The following EPHA2 variants were observed in gnomAD, a reference collection of about 807,000 sequenced individuals.
The protein encoded by EPHA2 is EPH receptor A2, also known as ephrin type-A receptor 2.
A neutral mutation model predicts 104.9 loss-of-function variants in EPHA2; 54 were observed. The ratio of observed to expected loss-of-function variants is 0.51; its 90% CI spans 0.41 to 0.65. The LOEUF (loss-of-function observed/expected upper bound fraction) is 0.65. Among genes scored for constraint, EPHA2 ranks in the 30% least tolerant of loss-of-function variants. The pLI is 0.00. For missense variants in EPHA2, 1,117 were observed against 1,369.5 expected, an observed-to-expected ratio of 0.82 and a Z score of 2.91; for synonymous variants, 560 against 559.1, an observed-to-expected ratio of 1.00 and a Z score of -0.02.
chr1:16,141,730 A>G (rs58124569), intron 3 of EPHA2, among the ~76,000 whole-genome samples: 183 of 152,370 alleles, frequency 1.2e-3, no homozygotes, highest in African/African-American at 3.9e-3. Flanking sequence ...AAGTGGGGGA[A>G]GAGATGGGCT....
At chr1:16,127,253 T>G (rs2024487687) in intron 16 of EPHA2, among the ~76,000 whole-genome samples, 1 of 152,032 alleles carries the variant, frequency 6.6e-6, no homozygotes, top group African/African-American at 2.4e-5. Context: ...GACCCTAAGA[T>G]CTACAGCCTG....
Position 16,135,902 on chromosome 1 carries a change from G to GCTCT in EPHA2, c.1313-136_1313-133dup. The GCTCT allele has an allele frequency of 1.6e-6, 1 of 616,000 alleles. No homozygotes were observed. Among genetic ancestry groups the GCTCT allele is most frequent in the South Asian group, 1.8e-5 (1 of 55,186 alleles). The allele number at this position is 616,000 out of a possible 1,614,324, so 38.2% of individuals were successfully genotyped here. A position where few individuals can be genotyped will look rare whatever the true frequency, so the allele number is the denominator to read the frequency against. On this transcript the variant is annotated intron_variant, in intron 5 of 16. Transcript: ENST00000358432. This position sits in a 1 kb window ranked among gnomAD's most constrained non-coding sequence, Gnocchi z 4.3. The stretch of plus-strand genomic sequence containing the variant: ...TTTCATTTTTTTGAGACAGGATCTC[G>GCTCT]CTCTCTCACCCAGGCTCGAGTGCAG...
Position 16,131,510 on chromosome 1 carries a change from G to C in EPHA2, c.2475+211C>G. On this transcript the variant is annotated intron_variant, in intron 14 of 16. Coordinates refer to ENST00000358432, the MANE Select transcript of EPHA2 (RefSeq NM_004431.5). The surrounding 1 kb of genome is among the most constrained non-coding windows in gnomAD (Gnocchi z 5.2). ...CAGGAGAATTGCTTGAACCTGGGAG[G>C]TGGAGGTTGCAGTGAACTGAGATCA... is the stretch of plus-strand genomic sequence containing the variant. Among the ~76,000 whole-genome samples, 1 of 152,108 alleles carries C rather than the reference G, an allele frequency of 6.6e-6. No individual in the cohort carries two copies. Among genetic ancestry groups the C allele is most frequent in the East Asian group, 1.9e-4 (1 of 5,178 alleles).
intron 3 of EPHA2, among the ~76,000 whole-genome samples, chr1:16,144,665 A>G (rs1167603543): frequency 6.6e-6 from 1 of 152,214 alleles, no homozygotes; most frequent in African/African-American, 2.4e-5. Context: ...CCAGGTTGAC[A>G]GCGTCCTTCA....
chr1:16,149,844 T>G (rs2025004205), intron 2 of EPHA2, among the ~76,000 whole-genome samples: 1 of 152,222 alleles, frequency 6.6e-6, no homozygotes. Context: ...CTGTGTCCTG[T>G]GTCCCGAGAG....
At chr1:16,146,220 C>T (rs2024930100) in intron 3 of EPHA2, among the ~76,000 whole-genome samples, 1 of 152,188 alleles carries the variant, frequency 6.6e-6, no homozygotes, top group African/African-American at 2.4e-5. Flanking sequence ...TGACAGGGTT[C>T]CACGAACTAA....
At position 16,138,013 on chromosome 1, in the gene EPHA2, G is replaced by A; in HGVS notation, c.1152C>T (p.Arg384=). ...TCAGTCCGTGAGGAGGCTCCGAGTA[G>A]CGCACACTGGCCTCACACGGCCCGC... ...GECGPCEASV[R]YSEPPHGLTR... Residue 384 remains arginine (R), a synonymous_variant, in exon 5 of 17, where the codon CGC becomes CGT. Coordinates refer to ENST00000358432, the MANE Select transcript of EPHA2 (RefSeq NM_004431.5). 6.2e-7 allele frequency: 1 copy of A among 1,613,856 alleles called. No individual in the cohort carries two copies. The highest frequency in any genetic ancestry group is 8.5e-7 in the Non-Finnish European group (1 of 1,180,000).
intron 2 of EPHA2, among the ~76,000 whole-genome samples, chr1:16,149,360 T>G (rs183127568): frequency 6.6e-6 from 1 of 152,124 alleles, no homozygotes; most frequent in Non-Finnish European, 1.5e-5. Flanking sequence ...ATCTGTACAA[T>G]GGGAGCAAGA....
intron 1 of EPHA2, among the ~76,000 whole-genome samples, chr1:16,154,923 G>T (rs1392996437): frequency 6.6e-6 from 1 of 152,124 alleles, no homozygotes; most frequent in Non-Finnish European, 1.5e-5. Context: ...TGGACAGGAA[G>T]GTCTTCGGCC....
intron 3 of EPHA2, among the ~76,000 whole-genome samples, chr1:16,140,978 C>T (rs992472844): frequency 5.3e-5 from 8 of 152,182 alleles, no homozygotes; most frequent in Non-Finnish European, 1.2e-4. Flanking sequence ...AGTGATCCTC[C>T]CACCTCGACT....
chr1:16,136,307 A>AAT (rs2024682281), intron 5 of EPHA2, among the ~76,000 whole-genome samples: 2 of 139,894 alleles, frequency 1.4e-5, no homozygotes, highest in African/African-American at 5.8e-5. Flanking sequence ...GTGCATAAAT[A>AAT]ATAATAATAA....
rs139225059 is a variant in EPHA2 at position 16,130,316 on chromosome 1, C to T, written c.2579G>A (p.Arg860His). Residue 860 changes from arginine to histidine, a missense_variant, in exon 15 of 17, where the codon CGC (arginine) becomes CAC (histidine). By Grantham distance (29) the Arg-to-His change is conservative. Coordinates refer to ENST00000358432, the MANE Select transcript of EPHA2 (RefSeq NM_004431.5). This position sits in a 1 kb window ranked among gnomAD's most constrained non-coding sequence, Gnocchi z 4.5. Reference protein sequence around the residue: ...MMQCWQQERARRPKFADIVSI... With the variant: ...MMQCWQQERAHRPKFADIVSI... ...GACGATGTCAGCGAACTTGGGGCGG[C>T]GGGCACGCTCCTGCTGCCAGCACTG... 1.2e-4 allele frequency: 187 copies of T among 1,607,770 alleles called. No homozygotes were observed. The African/African-American group carries it at 1.5e-3, about 13-fold the overall frequency.
At position 16,135,512 on chromosome 1, in the gene EPHA2, C is replaced by T. The variant is rs1260102946; in HGVS notation, c.1428+143G>A. 1.2e-6 allele frequency: 1 copy of T among 830,914 alleles called. No individual in the cohort carries two copies. The highest frequency in any genetic ancestry group is 2.0e-6 in the Non-Finnish European group (1 of 492,172). The allele number at this position is 830,914 out of a possible 1,614,324, so 51.5% of individuals were successfully genotyped here. A position where few individuals can be genotyped will look rare whatever the true frequency, so the allele number is the denominator to read the frequency against. ...TGTGCTGCCTTGGGAGATGTAACCC[C>T]CTGGCAGACCCCAGGCCTCAGTTTC... On this transcript the variant is annotated intron_variant, in intron 6 of 16. Coordinates refer to ENST00000358432, the MANE Select transcript of EPHA2 (RefSeq NM_004431.5). This position sits in a 1 kb window ranked among gnomAD's most constrained non-coding sequence, Gnocchi z 4.3.
intron 3 of EPHA2, among the ~76,000 whole-genome samples, chr1:16,141,197 G>A (rs1445983998): frequency 6.6e-6 from 1 of 152,186 alleles, no homozygotes; most frequent in Non-Finnish European, 1.5e-5. Flanking sequence ...TGTGGAGGAG[G>A]GGAGGGTATT....
At chr1:16,149,183 G>A in intron 2 of EPHA2, 136 bp from the exon 3 acceptor site, 1 of 918,834 alleles carries the variant, frequency 1.1e-6, no homozygotes, top group Non-Finnish European at 1.7e-6. Flanking sequence ...TGAGGCCTGA[G>A]GCGGGTGGGG....
intron 12 of EPHA2, 42 bp from the exon 13 acceptor site, chr1:16,132,315 C>A (rs372487104): frequency 6.2e-7 from 1 of 1,614,028 alleles, no homozygotes; most frequent in Non-Finnish European, 8.5e-7. Flanking sequence ...AGCCCTGAAC[C>A]CGCCAGGCCA....
chr1:16,138,082 G>T lies in EPHA2; in HGVS notation c.1083C>A (p.Val361=). 1.2e-6 allele frequency: 2 copies of T among 1,611,936 alleles called. No individual in the cohort carries two copies. The highest frequency in any genetic ancestry group is 1.7e-6 in the Non-Finnish European group (2 of 1,179,746). Residue 361 remains valine (V), a synonymous_variant, in exon 5 of 17, where the codon GTC becomes GTA. Transcript: ENST00000358432. ...AGCACTGTTCGCAGGTGACGCTGTA[G>T]ACAATGTCCTCGCGGCCCCCGCTGT... is the stretch of plus-strand genomic sequence containing the variant. ...PQDSGGREDI[V]YSVTCEQCWP... is the part of the protein sequence containing the mutation.
intron 1 of EPHA2, among the ~76,000 whole-genome samples, chr1:16,154,984 C>G (rs1245629816): frequency 6.6e-6 from 1 of 152,062 alleles, no homozygotes; most frequent in Non-Finnish European, 1.5e-5. Context: ...GACAACACCC[C>G]CACCACGCAC....
chr1:16,155,587 G>T, intron 1 of EPHA2: 1 of 387,240 alleles, frequency 2.6e-6, no homozygotes, highest in Non-Finnish European at 4.6e-6. Flanking sequence ...GACTGCAACC[G>T]CGTGGCCTGC....
Sources: allele counts gnomAD v4.1 joint callset (sites outside exome capture counted in the v4.1 genomes callset), GRCh38; gene constraint gnomAD v4.1.1; non-coding constraint Gnocchi (gnomAD v3.1); transcripts MANE v1.5; gene names NCBI Gene and HGNC (gene_info 2026-07-23, HGNC 2026-07-21).